Variants in NOMO1 observed in about 807,000 individuals in gnomAD.
The protein encoded by NOMO1 is nodal modulator 3.
NOMO1 carries 40 observed loss-of-function variants against 133.8 expected under a neutral mutation model. The ratio of observed to expected loss-of-function variants is 0.30; its 90% CI spans 0.23 to 0.39. NOMO1 has a LOEUF of 0.39. Among genes scored for constraint, NOMO1 ranks in the 10% least tolerant of loss-of-function variants. NOMO1 has a pLI of 1.00. For missense variants in NOMO1, 462 were observed against 1,419.9 expected (o/e 0.33, Z 10.84); for synonymous variants, 236 against 570.5 (o/e 0.41, Z 8.36).
chr16:14,884,623 G>C, intron 27 of NOMO1, 141 bp downstream of exon 27: 4 of 1,114,532 alleles, frequency 3.6e-6, no homozygotes, highest in Non-Finnish European at 5.2e-6. Flanking sequence ...CCTGCTGAGG[G>C]TTGAGGTTGA....
intron 3 of NOMO1, among the ~76,000 whole-genome samples, chr16:14,843,285 T>C (rs2151893001): frequency 7.0e-6 from 1 of 143,182 alleles, no homozygotes. Context: ...CCATTTGAGT[T>C]GCTTACCGAT....
intron 22 of NOMO1, among the ~76,000 whole-genome samples, chr16:14,877,690 C>A (rs1449359529): frequency 6.6e-6 from 1 of 150,992 alleles, no homozygotes; most frequent in Non-Finnish European, 1.5e-5. Flanking sequence ...AGGAAATGTG[C>A]TAAGGAAGTT....
At position 14,840,607 on chromosome 16, in the gene NOMO1, A is replaced by G. The variant is rs191619332; in HGVS notation, c.256-755A>G. On this transcript the variant is annotated intron_variant, in intron 2 of 30. Coordinates refer to ENST00000287667, the MANE Select transcript of NOMO1 (RefSeq NM_014287.4). ...ATCTCAAAAAAAAAAAACTAAAACA[A>G]AAACAAAGAAACCAGGGTTGATAAG... 7.3e-3 allele frequency among the ~76,000 whole-genome samples: 1,071 copies of G among 146,106 alleles called. 2 individuals carry two copies. Among genetic ancestry groups the G allele is most frequent in the Middle Eastern group, 0.014 (4 of 286 alleles).
At chr16:14,885,392 C>T (rs1244054405) in intron 27 of NOMO1, among the ~76,000 whole-genome samples, 1 of 151,852 alleles carries the variant, frequency 6.6e-6, no homozygotes, top group Non-Finnish European at 1.5e-5. Flanking sequence ...ACTCAGAGAC[C>T]TCTTATAATC....
At chr16:14,851,437 G>A (rs1428742563) in intron 6 of NOMO1, among the ~76,000 whole-genome samples, 4 of 148,920 alleles carry the variant, frequency 2.7e-5, no homozygotes, top group African/African-American at 2.5e-5. Context: ...TACACATATT[G>A]TGAAAAGAAC....
intron 3 of NOMO1, among the ~76,000 whole-genome samples, chr16:14,843,412 A>G (rs1267334290): frequency 6.6e-6 from 1 of 151,552 alleles, no homozygotes; most frequent in Non-Finnish European, 1.5e-5. Context: ...TAGAGCTGAT[A>G]CATGCTCAGC....
chr16:14,874,641 G>C (rs2151005845), intron 18 of NOMO1, among the ~76,000 whole-genome samples: 1 of 152,106 alleles, frequency 6.6e-6, no homozygotes, highest in Non-Finnish European at 1.5e-5. Flanking sequence ...GATTCCACAG[G>C]GGTAGGAAGT....
At chr16:14,885,707 G>A (rs1001971126) in intron 27 of NOMO1, among the ~76,000 whole-genome samples, 13 of 151,828 alleles carry the variant, frequency 8.6e-5, no homozygotes, top group African/African-American at 2.7e-4. Flanking sequence ...GAGTGGCACA[G>A]GGGAGGGGAA....
intron 27 of NOMO1, 55 bp downstream of exon 27, chr16:14,884,537 G>T: frequency 1.2e-6 from 2 of 1,609,538 alleles, no homozygotes; most frequent in East Asian, 4.5e-5. Context: ...TTTGAGACAA[G>T]TACGAATGGG....
At chr16:14,860,248 A>G (rs1215115838) in intron 11 of NOMO1, among the ~76,000 whole-genome samples, 3 of 151,710 alleles carry the variant, frequency 2.0e-5, no homozygotes, top group Non-Finnish European at 4.4e-5. Context: ...CGCGCCTATA[A>G]TCCCAGCAAC....
rs1062412 is a variant in NOMO1, at chr16:14,864,657, A to T, written c.1468A>T (p.Asn490Tyr). The T allele has an allele frequency of 6.2e-7, 1 of 1,607,072 alleles. No homozygotes were observed. The highest frequency in any genetic ancestry group is 8.5e-7 in the Non-Finnish European group (1 of 1,177,632). ...KPQTFPLTVTNRPMMDVAFVQ... is the reference protein window; with the variant it reads ...KPQTFPLTVTYRPMMDVAFVQ... ...CCAGACATTTCCTCTTACTGTGACC[A>T]ACAGGCCCATGATGGATGTGGCCTT... Residue 490 changes from asparagine (N) to tyrosine (Y), a missense_variant, in exon 13 of 31, where the codon AAC becomes TAC. Transcript: ENST00000287667.
intron 3 of NOMO1, among the ~76,000 whole-genome samples, chr16:14,844,266 A>G (rs1373389865): frequency 1.3e-5 from 2 of 151,876 alleles, no homozygotes; most frequent in African/African-American, 2.4e-5. Context: ...AATTGCAGCT[A>G]TTACTGCCTG....
intron 27 of NOMO1, among the ~76,000 whole-genome samples, chr16:14,884,962 G>A (rs989244618): frequency 1.3e-5 from 2 of 152,046 alleles, no homozygotes; most frequent in African/African-American, 4.8e-5. Flanking sequence ...AAGCATAGTG[G>A]TGTCTGCTTC....
chr16:14,845,127 T>C (rs1235312256), intron 4 of NOMO1, among the ~76,000 whole-genome samples: 1 of 151,850 alleles, frequency 6.6e-6, no homozygotes, highest in Non-Finnish European at 1.5e-5. Context: ...GTTCAAGTGA[T>C]TCTCCTGCCT....
intron 11 of NOMO1, among the ~76,000 whole-genome samples, chr16:14,858,692 G>C (rs957987707): frequency 2.0e-5 from 3 of 152,108 alleles, no homozygotes; most frequent in Non-Finnish European, 4.4e-5. Flanking sequence ...GGGGCGTAGG[G>C]GCTTTCTCCC....
In NOMO1 at chr16:14,860,107, C is replaced by T. The variant is rs529448209; in HGVS notation, c.1220+2452C>T. On this transcript the variant is annotated intron_variant, in intron 11 of 30. Coordinates refer to ENST00000287667, the MANE Select transcript of NOMO1 (RefSeq NM_014287.4). Reference sequence around the variant, plus strand: ...TTGGTTGGCCGGGCACGGTGGCTCACGCCTATGATCTCAGCACTTTGGGAG... The same window carrying T: ...TTGGTTGGCCGGGCACGGTGGCTCATGCCTATGATCTCAGCACTTTGGGAG... Among the ~76,000 whole-genome samples, 57 of 151,748 alleles carry T rather than the reference C, an allele frequency of 3.8e-4. 1 individual carries two copies. Among genetic ancestry groups the T allele is most frequent in the Admixed American group, 7.9e-4 (12 of 15,248 alleles).
chr16:14,857,178 G>A lies in NOMO1; in HGVS notation c.964-39G>A. 3.1e-6 allele frequency: 5 copies of A among 1,610,356 alleles called. No individual in the cohort carries two copies. In the South Asian group the frequency reaches 4.4e-5, roughly 14 times the overall value. On this transcript the variant is annotated intron_variant, in intron 9 of 30. Transcript: ENST00000287667. The stretch of plus-strand genomic sequence containing the variant: ...GAGTCTTTGTGGCTCTGGCACAGGA[G>A]CACCTTCGAGCACCTTCTTCTTGTT...
At chr16:14,861,872 TA>T (rs1963926803) in intron 11 of NOMO1, among the ~76,000 whole-genome samples, 1 of 138,848 alleles carries the variant, frequency 7.2e-6, no homozygotes, top group Non-Finnish European at 1.6e-5. Flanking sequence ...CTTAAGAGTG[TA>T]AAATTCTTTT....
At chr16:14,870,417 T>C (rs2151004229) in intron 16 of NOMO1, among the ~76,000 whole-genome samples, 1 of 151,584 alleles carries the variant, frequency 6.6e-6, no homozygotes, top group East Asian at 2.0e-4. Flanking sequence ...TCTGTATTAT[T>C]GGCCAGAACC....
Sources: allele counts gnomAD v4.1 joint callset (sites outside exome capture counted in the v4.1 genomes callset), GRCh38; gene constraint gnomAD v4.1.1; transcripts MANE v1.5; gene names NCBI Gene and HGNC (gene_info 2026-07-23, HGNC 2026-07-21).